FOXN3: variants seen among roughly 807,000 people sequenced by gnomAD.
FOXN3 encodes the protein forkhead box N3, also known as forkhead box protein N3.
FOXN3 carries 7 observed loss-of-function variants against 38.4 expected under a neutral mutation model. The ratio of observed to expected loss-of-function variants is 0.18; its 90% CI spans 0.10 to 0.34. The LOEUF (loss-of-function observed/expected upper bound fraction) is 0.34, where lower values mean the gene tolerates loss of function less well. FOXN3 is among the 10% of genes least tolerant of loss of function. The pLI is 1.00. For synonymous variants in FOXN3, 230 were observed against 242.2 expected, an observed-to-expected ratio of 0.95 and a Z score of 0.47; for missense variants, 456 against 613.4, an observed-to-expected ratio of 0.74 and a Z score of 2.71.
At chr14:89,551,813 G>A (rs931160266) in intron 1 of FOXN3, among the ~76,000 whole-genome samples, 1 of 151,944 alleles carries the variant, frequency 6.6e-6, no homozygotes, top group Admixed American at 6.6e-5. Flanking sequence ...CTCATCTAGG[G>A]GTAACTCTAT....
intron 1 of FOXN3, among the ~76,000 whole-genome samples, chr14:89,446,733 T>C (rs994170766): frequency 6.6e-5 from 10 of 152,226 alleles, no homozygotes; most frequent in African/African-American, 2.2e-4. Flanking sequence ...ACCAGGTGCC[T>C]GGCACATAGT....
At chr14:89,322,352 A>G (rs565853843) in intron 3 of FOXN3, among the ~76,000 whole-genome samples, 2 of 152,314 alleles carry the variant, frequency 1.3e-5, no homozygotes, top group African/African-American at 4.8e-5. Context: ...CTATCAGTAG[A>G]TGGTTATGAA....
intron 3 of FOXN3, among the ~76,000 whole-genome samples, chr14:89,297,932 C>A (rs1310243863): frequency 6.6e-6 from 1 of 152,152 alleles, no homozygotes; most frequent in Admixed American, 6.5e-5. Context: ...TTACAGTGAG[C>A]TATAATCATG....
At chr14:89,344,852 G>T (rs1888717323) in intron 3 of FOXN3, among the ~76,000 whole-genome samples, 1 of 152,160 alleles carries the variant, frequency 6.6e-6, no homozygotes, top group Non-Finnish European at 1.5e-5. Context: ...ATTAAAATAC[G>T]CATATTCTTT....
At chr14:89,447,203 G>GAA (rs11384819) in intron 1 of FOXN3, among the ~76,000 whole-genome samples, 1,883 of 136,250 alleles carry the variant, frequency 0.014, 37 homozygotes, top group African/African-American at 0.043. Context: ...TCACAAAAAG[G>GAA]AAAAAAAAAA....
intron 1 of FOXN3, among the ~76,000 whole-genome samples, chr14:89,612,749 T>G (rs898766003): frequency 6.6e-6 from 1 of 151,110 alleles, no homozygotes; most frequent in African/African-American, 2.4e-5. Flanking sequence ...AGCCCAAGAG[T>G]TCGAGGCTGC....
At chr14:89,501,436 G>GGC (rs939040676) in intron 1 of FOXN3, among the ~76,000 whole-genome samples, 3 of 152,176 alleles carry the variant, frequency 2.0e-5, no homozygotes, top group Admixed American at 2.0e-4. Flanking sequence ...CTACCTTGTT[G>GGC]CTCCAGTATT....
intron 1 of FOXN3, among the ~76,000 whole-genome samples, chr14:89,554,172 T>C: frequency 6.6e-6 from 1 of 152,104 alleles, no homozygotes; most frequent in East Asian, 1.9e-4. Flanking sequence ...CGGCTAATTT[T>C]TGTATTATTA....
At chr14:89,219,395 G>A (rs901038539) in intron 4 of FOXN3, among the ~76,000 whole-genome samples, 5 of 152,250 alleles carry the variant, frequency 3.3e-5, no homozygotes, top group Non-Finnish European at 4.4e-5. Context: ...ATTACCCAAC[G>A]TCAGGTATGT....
intron 3 of FOXN3, among the ~76,000 whole-genome samples, chr14:89,327,420 G>A (rs979248600): frequency 2.0e-5 from 3 of 152,140 alleles, no homozygotes; most frequent in Non-Finnish European, 2.9e-5. Context: ...ACAAGTATGC[G>A]ACAAGGTTTA....
chr14:89,258,565 T>C (rs181687750), intron 4 of FOXN3, among the ~76,000 whole-genome samples: 341 of 152,346 alleles, frequency 2.2e-3, no homozygotes, highest in African/African-American at 7.9e-3. Flanking sequence ...CTGGACCACC[T>C]ACATCTTATT....
rs572208929 is a variant in FOXN3, at chr14:89,227,081, T to C, written c.746-46275A>G. ...ACAGAGCCAGAAGAAAAAAGCAATT[T>C]CAGGAATAGCCTATTACATTATACA... is the stretch of plus-strand genomic sequence containing the variant. On this transcript the variant is annotated intron_variant, in intron 4 of 5. Transcript: ENST00000557258. Among the ~76,000 whole-genome samples the C allele has an allele frequency of 4.6e-5, 7 of 152,312 alleles. No individual in the cohort carries two copies. In the East Asian group the frequency reaches 1.3e-3, roughly 29 times the overall value.
At chr14:89,592,961 G>A (rs573103026) in intron 1 of FOXN3, among the ~76,000 whole-genome samples, 5 of 151,616 alleles carry the variant, frequency 3.3e-5, no homozygotes, top group Non-Finnish European at 5.9e-5. Context: ...TTGAAAGTCC[G>A]CTGGAAGGCA....
chr14:89,495,068 C>T lies in FOXN3; in HGVS notation c.-14-82578G>A, dbSNP rs187319720. Reference sequence around the variant, plus strand: ...ACCTTCTCATTATTCAACTGGTAAGCCGCTTTAAATATTGGGGTAATATTC... The same window carrying T: ...ACCTTCTCATTATTCAACTGGTAAGTCGCTTTAAATATTGGGGTAATATTC... On this transcript the variant is annotated intron_variant, in intron 1 of 6. Transcript: ENST00000345097. Among the ~76,000 whole-genome samples the T allele has an allele frequency of 1.9e-3, 290 of 152,254 alleles. 1 individual carries two copies. The highest frequency in any genetic ancestry group is 6.8e-3 in the African/African-American group (282 of 41,542).
At chr14:89,174,066 T>C (rs943906350) in intron 5 of FOXN3, among the ~76,000 whole-genome samples, 3 of 152,070 alleles carry the variant, frequency 2.0e-5, no homozygotes, top group Non-Finnish European at 2.9e-5. Flanking sequence ...CGAAGAATGA[T>C]AGGAAATACT....
chr14:89,348,293 G>A (rs977716491), intron 3 of FOXN3, among the ~76,000 whole-genome samples: 2 of 152,056 alleles, frequency 1.3e-5, no homozygotes, highest in African/African-American at 2.4e-5. Flanking sequence ...ACGTCAATTC[G>A]GCATTTTGGG....
chr14:89,424,267 G>A (rs551846406), intron 1 of FOXN3, among the ~76,000 whole-genome samples: 1 of 152,132 alleles, frequency 6.6e-6, no homozygotes, highest in Non-Finnish European at 1.5e-5. Context: ...GAGACTGTAC[G>A]TGTGAAACAA....
chr14:89,196,501 T>C (rs1367119427), intron 4 of FOXN3, among the ~76,000 whole-genome samples: 2 of 152,182 alleles, frequency 1.3e-5, no homozygotes, highest in African/African-American at 2.4e-5. Flanking sequence ...TGGTTTTTCA[T>C]CCCTTTCCAC....
chr14:89,388,353 C>G (rs574409427), intron 2 of FOXN3, among the ~76,000 whole-genome samples: 1 of 152,180 alleles, frequency 6.6e-6, no homozygotes, highest in Non-Finnish European at 1.5e-5. Context: ...AGACAGTGAA[C>G]GCTGCACCTG....
Sources: gnomAD v4.1 joint callset for allele counts (sites outside exome capture counted in the v4.1 genomes callset) on GRCh38, gnomAD v4.1.1 for gene constraint, MANE v1.5 for transcripts, NCBI Gene and HGNC (gene_info 2026-07-23, HGNC 2026-07-21) for gene names.